ATP8A2: variants seen among roughly 807,000 people sequenced by gnomAD.
ATP8A2 encodes the protein phospholipid-transporting ATPase IB.
In ATP8A2, 100 loss-of-function variants were observed where a neutral mutation model predicts 165.6. That is an observed-to-expected ratio of 0.60 (90% CI 0.51 to 0.71). The LOEUF (loss-of-function observed/expected upper bound fraction) is 0.71. Ranked by LOEUF, ATP8A2 falls within the 30% of genes least tolerant of loss-of-function variation. The pLI is 0.00. For missense variants in ATP8A2, 1,227 were observed against 1,479.5 expected, an observed-to-expected ratio of 0.83 and a Z score of 2.80; for synonymous variants, 543 against 548.8, an observed-to-expected ratio of 0.99 and a Z score of 0.15.
intron 24 of ATP8A2, among the ~76,000 whole-genome samples, chr13:25,608,856 CCCTTGCCCAAGA>C (rs1350525213): frequency 6.6e-6 from 1 of 152,124 alleles, no homozygotes; most frequent in Non-Finnish European, 1.5e-5. Context: ...GAGTGCTATG[CCCTTGCCCAAGA>C]CCTTCAAAAA....
chr13:25,701,338 T>C (rs1260112599), intron 25 of ATP8A2, among the ~76,000 whole-genome samples: 1 of 152,198 alleles, frequency 6.6e-6, no homozygotes, highest in Non-Finnish European at 1.5e-5. Flanking sequence ...ATGGAAAGAA[T>C]GGTGGGGAAA....
intron 33 of ATP8A2, among the ~76,000 whole-genome samples, chr13:25,892,020 T>C (rs12429447): frequency 0.08 from 12,051 of 150,528 alleles, 1,270 homozygotes; most frequent in African/African-American, 0.23. Context: ...GGAGTCTGGC[T>C]CTGTTGCCCA....
chr13:25,587,219 A>G (rs2039946857), intron 23 of ATP8A2, among the ~76,000 whole-genome samples: 1 of 152,232 alleles, frequency 6.6e-6, no homozygotes, highest in Non-Finnish European at 1.5e-5. Context: ...AATTTGCTAC[A>G]TTAGTTAAGC....
chr13:25,456,949 A>G (rs535814435), intron 1 of ATP8A2, among the ~76,000 whole-genome samples: 1 of 152,284 alleles, frequency 6.6e-6, no homozygotes, highest in African/African-American at 2.4e-5. Context: ...CCCATAAAAT[A>G]CACTAACACT....
chr13:25,399,266 A>G (rs1018655246), intron 1 of ATP8A2, among the ~76,000 whole-genome samples: 18 of 151,936 alleles, frequency 1.2e-4, no homozygotes, highest in Non-Finnish European at 2.5e-4. Flanking sequence ...TGATTCAGGA[A>G]GTCTGGGATG....
chr13:25,774,538 C>G (rs1305164302), intron 26 of ATP8A2, among the ~76,000 whole-genome samples: 1 of 152,208 alleles, frequency 6.6e-6, no homozygotes, highest in African/African-American at 2.4e-5. Context: ...CCTTCACATC[C>G]TGCACATGTA....
chr13:25,940,528 C>T (rs1446801355), intron 33 of ATP8A2, among the ~76,000 whole-genome samples: 1 of 152,188 alleles, frequency 6.6e-6, no homozygotes, highest in Non-Finnish European at 1.5e-5. Flanking sequence ...TATTACCGCC[C>T]CCGGTTCCCC....
chr13:25,445,730 G>C (rs1346250757), intron 1 of ATP8A2, among the ~76,000 whole-genome samples: 1 of 152,116 alleles, frequency 6.6e-6, no homozygotes, highest in Admixed American at 6.5e-5. Flanking sequence ...ATGGTGGCTG[G>C]GTGTGGGGAG....
At chr13:25,893,711 T>G (rs1373416072) in intron 33 of ATP8A2, among the ~76,000 whole-genome samples, 1 of 152,198 alleles carries the variant, frequency 6.6e-6, no homozygotes, top group African/African-American at 2.4e-5. Context: ...CTCCAGCACC[T>G]GTTGTTTCCT....
intron 36 of ATP8A2, among the ~76,000 whole-genome samples, chr13:26,014,466 A>G (rs1230845136): frequency 6.6e-6 from 1 of 152,188 alleles, no homozygotes; most frequent in African/African-American, 2.4e-5. Context: ...TAAGGAAGCA[A>G]TCAAGATGAA....
Position 26,019,633 on chromosome 13 carries a change from G to C in ATP8A2, c.3470-255G>C, listed in dbSNP as rs565861618. Among the ~76,000 whole-genome samples, 13 of 152,268 alleles carry C rather than the reference G, an allele frequency of 8.5e-5. No individual in the cohort carries two copies. The South Asian group carries it at 2.7e-3, about 32-fold the overall frequency. The stretch of plus-strand genomic sequence containing the variant: ...CTCAGCCGCAGCCCCCTAGAAATAG[G>C]AAACCTACCCTCAGAGGCTTTCCCT... On this transcript the variant is annotated intron_variant, in intron 36 of 36. Transcript: ENST00000381655.
intron 25 of ATP8A2, among the ~76,000 whole-genome samples, chr13:25,753,223 C>T (rs573396971): frequency 1.3e-5 from 2 of 152,290 alleles, no homozygotes; most frequent in South Asian, 2.1e-4. Context: ...CAGGGAAATC[C>T]GGGAAGTGGG....
At chr13:25,530,302 A>G (rs760801765) in intron 3 of ATP8A2, among the ~76,000 whole-genome samples, 9 of 152,368 alleles carry the variant, frequency 5.9e-5, no homozygotes, top group Admixed American at 1.3e-4. Context: ...GATTGCAGTG[A>G]CTGAAAGAGG....
intron 1 of ATP8A2, among the ~76,000 whole-genome samples, chr13:25,400,792 G>A (rs1443445463): frequency 6.6e-6 from 1 of 152,218 alleles, no homozygotes; most frequent in Admixed American, 6.5e-5. Context: ...GGCAGTTACT[G>A]GCTTACGGGA....
At chr13:25,818,950 C>T (rs768772006) in intron 27 of ATP8A2, among the ~76,000 whole-genome samples, 12 of 152,164 alleles carry the variant, frequency 7.9e-5, no homozygotes, top group Non-Finnish European at 1.6e-4. Context: ...CAAGCAAGTT[C>T]TCTTCTTCTA....
At chr13:25,568,068 A>G (rs1257462242) in intron 16 of ATP8A2, among the ~76,000 whole-genome samples, 2 of 152,206 alleles carry the variant, frequency 1.3e-5, no homozygotes, top group African/African-American at 4.8e-5. Context: ...GAATACTTCC[A>G]TTTGCTACAG....
chr13:25,709,632 A>G (rs1284859105), intron 25 of ATP8A2, among the ~76,000 whole-genome samples: 2 of 152,208 alleles, frequency 1.3e-5, no homozygotes, highest in East Asian at 1.9e-4. Flanking sequence ...GATGCTTCAC[A>G]TTGAGAAATG....
chr13:25,515,753 C>T (rs144760361), intron 2 of ATP8A2, among the ~76,000 whole-genome samples: 2,622 of 152,254 alleles, frequency 0.017, 40 homozygotes, highest in Non-Finnish European at 0.024. Context: ...GCCTTTAGAT[C>T]GGGTCTTTAC....
intron 33 of ATP8A2, among the ~76,000 whole-genome samples, chr13:25,903,423 A>C (rs1356832697): frequency 6.6e-6 from 1 of 152,040 alleles, no homozygotes; most frequent in Non-Finnish European, 1.5e-5. Flanking sequence ...CTGGTCTCCC[A>C]TCCTCCATCC....
Sources: allele counts gnomAD v4.1 joint callset (sites outside exome capture counted in the v4.1 genomes callset), GRCh38; gene constraint gnomAD v4.1.1; transcripts MANE v1.5; gene names NCBI Gene and HGNC (gene_info 2026-07-23, HGNC 2026-07-21).